The following MECOM variants were observed in gnomAD, a reference collection of about 807,000 sequenced individuals.
MECOM encodes the protein MDS1 and EVI1 complex locus, also known as histone-lysine N-methyltransferase MECOM.
Under a neutral mutation model 116.3 loss-of-function variants are expected in MECOM, and 13 were observed. The ratio of observed to expected loss-of-function variants is 0.11; its 90% CI spans 0.07 to 0.18. The LOEUF (loss-of-function observed/expected upper bound fraction) is 0.18. MECOM is among the 10% of genes least tolerant of loss of function. MECOM has a pLI of 1.00. For synonymous variants in MECOM, 528 were observed against 535.2 expected (o/e 0.99, Z 0.19); for missense variants, 1,299 against 1,509.0 (o/e 0.86, Z 2.31).
chr3:169,407,496 T>A (rs182368240), intron 1 of MECOM, among the ~76,000 whole-genome samples: 182 of 152,350 alleles, frequency 1.2e-3, no homozygotes, highest in African/African-American at 3.8e-3. Context: ...CATTTGTTAT[T>A]ATTTCAATCA....
rs9856617 is a variant in MECOM at position 169,586,523 on chromosome 3, C to T, written c.37+76813G>A. Among the ~76,000 whole-genome samples the T allele has an allele frequency of 5.8e-3, 881 of 152,258 alleles. 9 individuals carry two copies. The highest frequency in any genetic ancestry group is 0.02 in the African/African-American group (821 of 41,550). Reference sequence around the variant, plus strand: ...GAATAGGTGATCACTGATATTAAGGCTCAGGCTAATGAAATTTGGCTTAAA... The same window carrying T: ...GAATAGGTGATCACTGATATTAAGGTTCAGGCTAATGAAATTTGGCTTAAA... On this transcript the variant is annotated intron_variant, in intron 1 of 16. Coordinates refer to ENST00000651503, the MANE Select transcript of MECOM (RefSeq NM_004991.4).
intron 2 of MECOM, among the ~76,000 whole-genome samples, chr3:169,274,179 T>C (rs577906571): frequency 6.6e-6 from 1 of 152,240 alleles, no homozygotes; most frequent in African/African-American, 2.4e-5. Context: ...CACAAAGTGC[T>C]GGGATTACAG....
chr3:169,629,959 A>T (rs1331773223), intron 1 of MECOM, among the ~76,000 whole-genome samples: 1 of 152,060 alleles, frequency 6.6e-6, no homozygotes, highest in Non-Finnish European at 1.5e-5. Context: ...TCCCCTGTCA[A>T]CCCACCTCTC....
chr3:169,519,302 A>C (rs1168504336), intron 1 of MECOM, among the ~76,000 whole-genome samples: 1 of 152,200 alleles, frequency 6.6e-6, no homozygotes, highest in Non-Finnish European at 1.5e-5. Context: ...ATAGACAGAG[A>C]CTGATAATGT....
At chr3:169,254,245 C>G (rs1015515274) in intron 2 of MECOM, among the ~76,000 whole-genome samples, 2 of 152,042 alleles carry the variant, frequency 1.3e-5, no homozygotes, top group Non-Finnish European at 2.9e-5. Context: ...CTAGCACATC[C>G]AAGTAGCACA....
chr3:169,145,573 G>A (rs1031700860), intron 2 of MECOM: 6 of 224,982 alleles, frequency 2.7e-5, no homozygotes, highest in African/African-American at 1.3e-4. Context: ...CAGTTCTCCT[G>A]ACACACCAAA....
At chr3:169,191,362 T>TG (rs11412295) in intron 2 of MECOM, among the ~76,000 whole-genome samples, 30,574 of 151,566 alleles carry the variant, frequency 0.2, 3,161 homozygotes, top group South Asian at 0.26. Context: ...GGACCAGGGA[T>TG]GGGGGTGAAG....
intron 1 of MECOM, among the ~76,000 whole-genome samples, chr3:169,646,872 C>A (rs1290353423): frequency 6.6e-6 from 1 of 152,050 alleles, no homozygotes; most frequent in Non-Finnish European, 1.5e-5. Context: ...TTTGGATCTC[C>A]CTAAACAAAA....
In MECOM at chr3:169,145,183, CACACACAG is replaced by C. The variant is rs750914533; in HGVS notation, c.376-1359_376-1352del. 2.2e-3 allele frequency: 220 copies of C among 99,922 alleles called. 3 individuals carry two copies. The highest frequency in any genetic ancestry group is 0.015 in the East Asian group (153 of 10,512). 6.2% of individuals were successfully genotyped at this position (99,922 alleles called of 1,614,324 possible). On this transcript the variant is annotated intron_variant, in intron 2 of 16. Coordinates refer to ENST00000651503, the MANE Select transcript of MECOM (RefSeq NM_004991.4). ...ACACACACACACACACACACACACA[CACACACAG>C]AGAGAAATCAAACTCTTCTTTTTCA...
chr3:169,124,905 CT>C (rs376380040), intron 5 of MECOM, among the ~76,000 whole-genome samples: 10 of 152,110 alleles, frequency 6.6e-5, no homozygotes, highest in African/African-American at 2.4e-4. Context: ...CAATTAAGAC[CT>C]TTGTGCACCT....
intron 2 of MECOM, among the ~76,000 whole-genome samples, chr3:169,322,218 C>G (rs1056040056): frequency 1.3e-5 from 2 of 152,116 alleles, no homozygotes; most frequent in Admixed American, 6.5e-5. Flanking sequence ...TTTCTAACCC[C>G]ACGATGTTAT....
At chr3:169,105,697 A>T (rs1221925621) in intron 10 of MECOM, among the ~76,000 whole-genome samples, 3 of 152,034 alleles carry the variant, frequency 2.0e-5, no homozygotes, top group Non-Finnish European at 4.4e-5. Flanking sequence ...TTTTTTTCCT[A>T]TGGAACAGTA....
chr3:169,105,572 GA>G (rs1212632094), intron 10 of MECOM, among the ~76,000 whole-genome samples: 1 of 152,092 alleles, frequency 6.6e-6, no homozygotes, highest in Non-Finnish European at 1.5e-5. Flanking sequence ...CTAGGAATAA[GA>G]AATTTGCTGA....
chr3:169,284,815 A>T (rs1336302547), intron 2 of MECOM, among the ~76,000 whole-genome samples: 8 of 152,338 alleles, frequency 5.3e-5, no homozygotes, highest in Admixed American at 5.2e-4. Context: ...ATTTATTATC[A>T]TATAATTTCT....
chr3:169,183,163 A>G (rs1454721969), intron 2 of MECOM, among the ~76,000 whole-genome samples: 7 of 152,288 alleles, frequency 4.6e-5, no homozygotes, highest in Non-Finnish European at 8.8e-5. Context: ...AACAAAGGCA[A>G]GTTGTTGCTG....
Position 169,083,896 on chromosome 3 carries a change from A to G in MECOM, c.*1013T>C, listed in dbSNP as rs182408670. Reference sequence around the variant, plus strand: ...ATCGATTTCAGTATTACAAAAACTAAGTTGCATCTATTCGTATTTAGTTCA... The same window carrying G: ...ATCGATTTCAGTATTACAAAAACTAGGTTGCATCTATTCGTATTTAGTTCA... On this transcript the variant is annotated 3_prime_UTR_variant, in exon 17 of 17. Transcript: ENST00000651503. 7.5e-4 allele frequency: 168 copies of G among 222,518 alleles called. 1 individual carries two copies. Among genetic ancestry groups the G allele is most frequent in the African/African-American group, 3.5e-3 (159 of 44,876 alleles). The allele number at this position is 222,518 out of a possible 1,614,324, so 13.8% of individuals were successfully genotyped here.
rs77680664 is a variant in MECOM, at chr3:169,178,544, G to C, written c.376-34712C>G. On this transcript the variant is annotated intron_variant, in intron 2 of 16. Transcript: ENST00000651503. ...GACAATGTATAGCCAGCTAAGAAGA[G>C]AAGTTTCTGGCCATCTATTTAGTGC... Among the ~76,000 whole-genome samples, 5 of 152,242 alleles carry C rather than the reference G, an allele frequency of 3.3e-5. No homozygotes were observed. In the East Asian group the frequency reaches 9.7e-4, roughly 29 times the overall value.
At chr3:169,181,946 G>A (rs1433788677) in intron 2 of MECOM, among the ~76,000 whole-genome samples, 1 of 152,154 alleles carries the variant, frequency 6.6e-6, no homozygotes, top group South Asian at 2.1e-4. Context: ...AGAATTAAAT[G>A]ATAAAACACA....
At chr3:169,154,402 T>G (rs1577198916) in intron 2 of MECOM, among the ~76,000 whole-genome samples, 4 of 143,792 alleles carry the variant, frequency 2.8e-5, no homozygotes, top group Admixed American at 2.7e-4. Context: ...TGACATCAAG[T>G]ATTTAGTAGA....
Sources: gnomAD v4.1 joint callset for allele counts (sites outside exome capture counted in the v4.1 genomes callset) on GRCh38, gnomAD v4.1.1 for gene constraint, MANE v1.5 for transcripts, NCBI Gene and HGNC (gene_info 2026-07-23, HGNC 2026-07-21) for gene names.